Variants in ASB18 observed in about 807,000 individuals in gnomAD.
The protein encoded by ASB18 is ankyrin repeat and SOCS box containing 18.
ASB18 carries 33 observed loss-of-function variants against 33.4 expected under a neutral mutation model. The observed-to-expected ratio is 0.99, with a 90% CI of 0.75 to 1.32. ASB18 has a LOEUF of 1.32. Ranked by LOEUF, ASB18 falls within the 40% of genes most tolerant of loss-of-function variation. The probability of loss-of-function intolerance (pLI) is 0.00; values close to 1 mark genes in which losing one functional copy is unlikely to be tolerated. For missense variants in ASB18, 694 were observed against 655.5 expected, an observed-to-expected ratio of 1.06 and a Z score of -0.64; for synonymous variants, 295 against 307.6, an observed-to-expected ratio of 0.96 and a Z score of 0.43.
intron 3 of ASB18, among the ~76,000 whole-genome samples, chr2:236,230,601 A>G (rs1251751890): frequency 2.0e-5 from 3 of 151,978 alleles, no homozygotes; most frequent in Non-Finnish European, 4.4e-5. Context: ...AGAGAAATGG[A>G]AGTATACTGC....
At position 236,204,808 on chromosome 2, in the gene ASB18, C is replaced by T. The variant is rs949052084; in HGVS notation, c.1102-8423G>A. On this transcript the variant is annotated intron_variant, in intron 4 of 5. Transcript: ENST00000409749. The surrounding 1 kb of genome is among the most constrained non-coding windows in gnomAD (Gnocchi z 5.1). ...ACTCCACATACCAAAAACTGAACTC[C>T]CTTGTTCACCAGGTCCCAACCTGCT... Among the ~76,000 whole-genome samples, 1 of 149,934 alleles carries T rather than the reference C, an allele frequency of 6.7e-6. No individual in the cohort carries two copies. The highest frequency in any genetic ancestry group is 2.5e-5 in the African/African-American group (1 of 40,580).
In ASB18 at chr2:236,264,152, C is replaced by G; in HGVS notation, c.194G>C (p.Gly65Ala). The G allele has an allele frequency of 6.2e-7, 1 of 1,613,634 alleles. No homozygotes were observed. Among genetic ancestry groups the G allele is most frequent in the Non-Finnish European group, 8.5e-7 (1 of 1,179,794 alleles). Residue 65 changes from glycine to alanine, a missense_variant, in exon 1 of 6, where the codon GGC (glycine) becomes GCC (alanine). Gly to Ala is a moderately conservative substitution (Grantham distance 60). Transcript: ENST00000409749. This position sits in a 1 kb window ranked among gnomAD's most constrained non-coding sequence, Gnocchi z 5.1. ...MKDPSAQLPT[G>A]MLLGDLDHLK... ...CTCGTTCTGGTTACCTAGCAGCATG[C>G]CGGTGGGCAGCTGAGCCGAGGGGTC...
rs1016439506 is a variant in ASB18, at chr2:236,245,939, G to A, written c.206-4537C>T. 2.0e-5 allele frequency among the ~76,000 whole-genome samples: 3 copies of A among 152,152 alleles called. No homozygotes were observed. The highest frequency in any genetic ancestry group is 1.3e-4 in the Admixed American group (2 of 15,288). ...CACCCTTAGGGAAGAACACCATAACGTGGACGCTCGGCTGGCCTAGGGCAG... is the reference window on the plus strand; with the variant it reads ...CACCCTTAGGGAAGAACACCATAACATGGACGCTCGGCTGGCCTAGGGCAG... On this transcript the variant is annotated intron_variant, in intron 1 of 5. Coordinates refer to ENST00000409749, the MANE Select transcript of ASB18 (RefSeq NM_212556.4). The surrounding 1 kb of genome is among the most constrained non-coding windows in gnomAD (Gnocchi z 4.7).
chr2:236,257,094 C>T lies in ASB18; in HGVS notation c.205+7047G>A, dbSNP rs1427593146. ...TCCACTTGATCTGGGTGAATCAATTCAGGCAGCGCATAATTGAGTCTGTTA... is the reference window on the plus strand; with the variant it reads ...TCCACTTGATCTGGGTGAATCAATTTAGGCAGCGCATAATTGAGTCTGTTA... On this transcript the variant is annotated intron_variant, in intron 1 of 5. Transcript: ENST00000409749. This position sits in a 1 kb window ranked among gnomAD's most constrained non-coding sequence, Gnocchi z 5.5. Among the ~76,000 whole-genome samples, 1 of 152,160 alleles carries T rather than the reference C, an allele frequency of 6.6e-6. No homozygotes were observed. Among genetic ancestry groups the T allele is most frequent in the Non-Finnish European group, 1.5e-5 (1 of 68,036 alleles).
In ASB18 at chr2:236,255,114, C is replaced by A. The variant is rs1009781169; in HGVS notation, c.205+9027G>T. ...CCTGTACAGCCTGCAGAACCGTGAG[C>A]CAATTAAACCTCTGGTATTTCTTTC... On this transcript the variant is annotated intron_variant, in intron 1 of 5. Transcript: ENST00000409749. This position sits in a 1 kb window ranked among gnomAD's most constrained non-coding sequence, Gnocchi z 4.4. Among the ~76,000 whole-genome samples the A allele has an allele frequency of 5.3e-5, 8 of 152,240 alleles. No homozygotes were observed. The highest frequency in any genetic ancestry group is 1.2e-4 in the Non-Finnish European group (8 of 68,012).
In ASB18 at chr2:236,213,215, C is replaced by T. The variant is rs10179895; in HGVS notation, c.1101+1147G>A. On this transcript the variant is annotated intron_variant, in intron 4 of 5. Coordinates refer to ENST00000409749, the MANE Select transcript of ASB18 (RefSeq NM_212556.4). This position sits in a 1 kb window ranked among gnomAD's most constrained non-coding sequence, Gnocchi z 4.8. ...ACAATTACCCAAAGAGGGGGTGAGACAGCATCGGGAAAGTGCCATCCTGTT... is the reference window on the plus strand; with the variant it reads ...ACAATTACCCAAAGAGGGGGTGAGATAGCATCGGGAAAGTGCCATCCTGTT... 7.1e-3 allele frequency among the ~76,000 whole-genome samples: 1,075 copies of T among 152,000 alleles called. 8 individuals are homozygous for T. Among genetic ancestry groups the T allele is most frequent in the African/African-American group, 0.025 (1,028 of 41,440 alleles).
chr2:236,195,213 A>G lies in ASB18; in HGVS notation c.1216-156T>C, dbSNP rs933391879. On this transcript the variant is annotated intron_variant, in intron 5 of 5. Coordinates refer to ENST00000409749, the MANE Select transcript of ASB18 (RefSeq NM_212556.4). The surrounding 1 kb of genome is among the most constrained non-coding windows in gnomAD (Gnocchi z 5.5). ...GGAGACGCACCATCTTGTGGGAACC[A>G]CCCTCTACCCCAGGGGCTTGTGTGC... is the stretch of plus-strand genomic sequence containing the variant. Among the ~76,000 whole-genome samples the G allele has an allele frequency of 2.6e-5, 4 of 152,250 alleles. No homozygotes were observed. The East Asian group carries it at 7.7e-4, about 29-fold the overall frequency.
chr2:236,254,737 C>A (rs1057043680), intron 1 of ASB18, among the ~76,000 whole-genome samples: 4 of 152,036 alleles, frequency 2.6e-5, no homozygotes. Context: ...TTAAGCCCAT[C>A]GTTGATGGGA....
chr2:236,206,518 G>T (rs553900199), intron 4 of ASB18, among the ~76,000 whole-genome samples: 4 of 152,292 alleles, frequency 2.6e-5, no homozygotes, highest in Middle Eastern at 3.4e-3. Flanking sequence ...GAAGCACCAG[G>T]TTCTTTGAGG....
Position 236,250,737 on chromosome 2 carries a change from T to TG in ASB18, c.206-9336dup, listed in dbSNP as rs1361166812. The TG allele has an allele frequency of 6.6e-6, 1 of 152,118 alleles. No individual in the cohort carries two copies. The highest frequency in any genetic ancestry group is 1.5e-5 in the Non-Finnish European group (1 of 68,036). 9.4% of individuals were successfully genotyped at this position (152,118 alleles called of 1,614,324 possible). A position where few individuals can be genotyped will look rare whatever the true frequency, so the allele number is the denominator to read the frequency against. On this transcript the variant is annotated intron_variant, in intron 1 of 5. Coordinates refer to ENST00000409749, the MANE Select transcript of ASB18 (RefSeq NM_212556.4). The surrounding 1 kb of genome is among the most constrained non-coding windows in gnomAD (Gnocchi z 4.1). ...GCCACCTTTCCTTCACCCCACTTCC[T>TG]GCAGAATTAAAAAAATATATTTTAA... is the stretch of plus-strand genomic sequence containing the variant.
At chr2:236,201,932 C>A (rs1576393643) in intron 4 of ASB18, among the ~76,000 whole-genome samples, 1 of 151,046 alleles carries the variant, frequency 6.6e-6, no homozygotes, top group South Asian at 2.1e-4. Context: ...TTTTTTTTGC[C>A]AGAATTATCT....
Position 236,214,592 on chromosome 2 carries a change from C to T in ASB18, c.871G>A (p.Glu291Lys). ...TTGTGCAGCGGGCTGCGCTCGTCCT[C>T]GTCGCGCGCGTCCGCCTCCGCCCCG... ...RRGAEADARD[E>K]DERSPLHKAC... The change falls in exon 4 of 6, where the codon GAG (glutamate) becomes AAG (lysine). Residue 291 changes from glutamate to lysine, a missense_variant. By Grantham distance (56) the Glu-to-Lys change is moderately conservative (BLOSUM62 1). Transcript: ENST00000409749. The surrounding 1 kb of genome is among the most constrained non-coding windows in gnomAD (Gnocchi z 6.5). 2 of 1,265,534 alleles carry T rather than the reference C, an allele frequency of 1.6e-6. No homozygotes were observed. The highest frequency in any genetic ancestry group is 2.0e-6 in the Non-Finnish European group (2 of 1,009,670). 78.4% of individuals were successfully genotyped at this position (1,265,534 alleles called of 1,614,324 possible).
Position 236,195,165 on chromosome 2 carries a change from G to C in ASB18, c.1216-108C>G, listed in dbSNP as rs1026393232. The C allele has an allele frequency of 5.3e-5, 54 of 1,028,208 alleles. No individual in the cohort carries two copies. The highest frequency in any genetic ancestry group is 6.8e-5 in the Non-Finnish European group (48 of 705,834). The allele number at this position is 1,028,208 out of a possible 1,614,324, so 63.7% of individuals were successfully genotyped here. A position where few individuals can be genotyped will look rare whatever the true frequency, so the allele number is the denominator to read the frequency against. On this transcript the variant is annotated intron_variant, in intron 5 of 5. Coordinates refer to ENST00000409749, the MANE Select transcript of ASB18 (RefSeq NM_212556.4). This position sits in a 1 kb window ranked among gnomAD's most constrained non-coding sequence, Gnocchi z 5.5. Reference sequence around the variant, plus strand: ...CAAGCGGGCTTTTCTATGGCTAACTGATCCCAGATAAGCGCACTGGAGGGA... The same window carrying C: ...CAAGCGGGCTTTTCTATGGCTAACTCATCCCAGATAAGCGCACTGGAGGGA...
rs1389488379 is a variant in ASB18, at chr2:236,237,988, G to A, written c.329-32C>T. 6.9e-7 allele frequency: 1 copy of A among 1,450,552 alleles called. No individual in the cohort carries two copies. The highest frequency in any genetic ancestry group is 9.0e-7 in the Non-Finnish European group (1 of 1,110,036). 89.9% of individuals were successfully genotyped at this position (1,450,552 alleles called of 1,614,324 possible). A position where few individuals can be genotyped will look rare whatever the true frequency, so the allele number is the denominator to read the frequency against. ...GGAGGGAGGTGGGATGTAAGGTCAG[G>A]GGGAGGTTAGTTGTGGTGGTGGTGG... is the stretch of plus-strand genomic sequence containing the variant. On this transcript the variant is annotated intron_variant, in intron 2 of 5. Transcript: ENST00000409749. The surrounding 1 kb of genome is among the most constrained non-coding windows in gnomAD (Gnocchi z 6.2).
rs1015745838 is a variant in ASB18, at chr2:236,204,215, G to A, written c.1102-7830C>T. Among the ~76,000 whole-genome samples, 3 of 152,146 alleles carry A rather than the reference G, an allele frequency of 2.0e-5. No individual in the cohort carries two copies. The highest frequency in any genetic ancestry group is 4.4e-5 in the Non-Finnish European group (3 of 68,026). On this transcript the variant is annotated intron_variant, in intron 4 of 5. Coordinates refer to ENST00000409749, the MANE Select transcript of ASB18 (RefSeq NM_212556.4). The surrounding 1 kb of genome is among the most constrained non-coding windows in gnomAD (Gnocchi z 5.1). ...TACTGTCCTTACCAATGGCACCAATGCTGCTCTTGGCCCAGGCTCTGCCTC... is the reference window on the plus strand; with the variant it reads ...TACTGTCCTTACCAATGGCACCAATACTGCTCTTGGCCCAGGCTCTGCCTC...
In ASB18 at chr2:236,202,814, T is replaced by TATATATATATATATATACACAC. The variant is rs1472095135; in HGVS notation, c.1102-6430_1102-6429insGTGTGTATATATATATATATAT. 3.2e-4 allele frequency among the ~76,000 whole-genome samples: 41 copies of TATATATATATATATATACACAC among 126,492 alleles called. 1 individual carries two copies. The highest frequency in any genetic ancestry group is 1.3e-3 in the African/African-American group (40 of 31,056). 83.0% of individuals were successfully genotyped at this position (126,492 alleles called of 152,430 possible). On this transcript the variant is annotated intron_variant, in intron 4 of 5. Coordinates refer to ENST00000409749, the MANE Select transcript of ASB18 (RefSeq NM_212556.4). ...AAAAAAATATATATATATATATATA[T>TATATATATATATATATACACAC]ACACACACCTATAGTTCTCTAAAAA...
rs1247696028 is a variant in ASB18, at chr2:236,205,668, T to C, written c.1101+8694A>G. On this transcript the variant is annotated intron_variant, in intron 4 of 5. Coordinates refer to ENST00000409749, the MANE Select transcript of ASB18 (RefSeq NM_212556.4). The surrounding 1 kb of genome is among the most constrained non-coding windows in gnomAD (Gnocchi z 5.4). ...ATGACTGGTGCTCAGCAAATACTTT[T>C]TGATAAATAATTGAAGTATTTTTTC... Among the ~76,000 whole-genome samples the C allele has an allele frequency of 2.6e-5, 4 of 152,332 alleles. No homozygotes were observed. The highest frequency in any genetic ancestry group is 9.6e-5 in the African/African-American group (4 of 41,572).
chr2:236,224,888 T>G (rs1391324910), intron 3 of ASB18, among the ~76,000 whole-genome samples: 1 of 152,194 alleles, frequency 6.6e-6, no homozygotes, highest in Non-Finnish European at 1.5e-5. Flanking sequence ...TCAAGATGCC[T>G]TAAAGTCCTA....
In ASB18 at chr2:236,226,527, A is replaced by G. The variant is rs2060540876; in HGVS notation, c.596+11162T>C. ...ACATTTAAAAAGTCCTTATTAAACA[A>G]TGGCCTGGGCCTGTATGATTTTTGT... On this transcript the variant is annotated intron_variant, in intron 3 of 5. Transcript: ENST00000409749. This position sits in a 1 kb window ranked among gnomAD's most constrained non-coding sequence, Gnocchi z 4.8. Among the ~76,000 whole-genome samples the G allele has an allele frequency of 6.6e-6, 1 of 152,230 alleles. No individual in the cohort carries two copies. Among genetic ancestry groups the G allele is most frequent in the Admixed American group, 6.5e-5 (1 of 15,282 alleles).
Sources: allele counts gnomAD v4.1 joint callset (sites outside exome capture counted in the v4.1 genomes callset), GRCh38; gene constraint gnomAD v4.1.1; non-coding constraint Gnocchi (gnomAD v3.1); transcripts MANE v1.5; gene names NCBI Gene and HGNC (gene_info 2026-07-23, HGNC 2026-07-21).